Variants in RBFOX1 observed in about 807,000 individuals in gnomAD.
RBFOX1 encodes RNA binding protein fox-1 homolog 1.
In RBFOX1, 8 loss-of-function variants were observed where a neutral mutation model predicts 57.7. The observed-to-expected ratio is 0.14, with a 90% confidence interval of 0.08 to 0.25. The LOEUF is 0.25. Ranked by LOEUF, RBFOX1 falls within the 10% of genes least tolerant of loss-of-function variation. The pLI, the probability that RBFOX1 is intolerant of heterozygous loss-of-function variation, is 1.00. For missense variants in RBFOX1, 611 were observed against 548.5 expected (o/e 1.11, Z -1.14); for synonymous variants, 326 against 222.4 (o/e 1.47, Z -4.15).
intron 14 of RBFOX1, among the ~76,000 whole-genome samples, chr16:7,691,039 A>C (rs1444226482): frequency 6.6e-6 from 1 of 152,164 alleles, no homozygotes; most frequent in Non-Finnish European, 1.5e-5. Flanking sequence ...GGAATTAATT[A>C]ATGAACTCTA....
chr16:6,071,433 G>T (rs929885), intron 1 of RBFOX1, among the ~76,000 whole-genome samples: 142,314 of 152,302 alleles, frequency 0.93, 66,607 homozygotes, highest in African/African-American at 0.98. Context: ...GTACTAGGTC[G>T]AATACTTGGG....
At chr16:6,071,205 C>T (rs1367587695) in intron 1 of RBFOX1, among the ~76,000 whole-genome samples, 1 of 152,068 alleles carries the variant, frequency 6.6e-6, no homozygotes, top group Non-Finnish European at 1.5e-5. Context: ...CCTGTAGGAC[C>T]AGCTGCTTGG....
intron 2 of RBFOX1, among the ~76,000 whole-genome samples, chr16:6,324,542 G>C (rs2082158819): frequency 6.6e-6 from 1 of 152,110 alleles, no homozygotes; most frequent in African/African-American, 2.4e-5. Flanking sequence ...GAGAGGGAGA[G>C]GAGGCACCAT....
intron 1 of RBFOX1, among the ~76,000 whole-genome samples, chr16:5,392,870 G>A (rs2151422700): frequency 6.6e-6 from 1 of 152,248 alleles, no homozygotes; most frequent in African/African-American, 2.4e-5. Flanking sequence ...TGCAACTTGG[G>A]CTGTTCAGAA....
intron 2 of RBFOX1, among the ~76,000 whole-genome samples, chr16:5,498,389 A>T (rs915747449): frequency 6.6e-6 from 1 of 152,134 alleles, no homozygotes; most frequent in Non-Finnish European, 1.5e-5. Flanking sequence ...AGTTATCTAC[A>T]TGCCTCAGCC....
intron 2 of RBFOX1, among the ~76,000 whole-genome samples, chr16:6,640,747 G>A (rs1216234885): frequency 6.6e-6 from 1 of 152,142 alleles, no homozygotes; most frequent in Non-Finnish European, 1.5e-5. Context: ...AACTCCTTCT[G>A]AAGGATACAA....
intron 2 of RBFOX1, among the ~76,000 whole-genome samples, chr16:5,541,300 G>A (rs2044940828): frequency 1.3e-5 from 2 of 152,248 alleles, no homozygotes; most frequent in Admixed American, 1.3e-4. Context: ...ACAGGTCTCA[G>A]TTAATTTAGA....
chr16:7,438,811 G>A (rs973776989), intron 4 of RBFOX1, among the ~76,000 whole-genome samples: 2 of 152,118 alleles, frequency 1.3e-5, no homozygotes, highest in Non-Finnish European at 2.9e-5. Context: ...ATGGGCCCAG[G>A]CCCAACCTAG....
chr16:7,120,030 A>G (rs1247965204), intron 4 of RBFOX1, among the ~76,000 whole-genome samples: 1 of 139,376 alleles, frequency 7.2e-6, no homozygotes, highest in Admixed American at 7.8e-5. Flanking sequence ...TAAGCTGGAA[A>G]TCAGTAACAT....
Position 7,315,153 on chromosome 16 carries a change from A to C in RBFOX1, c.28-202994A>C, listed in dbSNP as rs142965347. ...TTTTCTTAATTATGTCATGCATTTC[A>C]TTTTGTGTGTGGTGATATTTCTTTC... On this transcript the variant is annotated intron_variant, in intron 4 of 15. Coordinates refer to ENST00000550418, the MANE Select transcript of RBFOX1 (RefSeq NM_018723.4). Among the ~76,000 whole-genome samples, 197 of 150,652 alleles carry C rather than the reference A, an allele frequency of 1.3e-3. 1 individual carries two copies. Among genetic ancestry groups the C allele is most frequent in the African/African-American group, 4.5e-3 (185 of 40,912 alleles).
intron 3 of RBFOX1, among the ~76,000 whole-genome samples, chr16:5,826,078 A>G (rs550569922): frequency 3.4e-5 from 5 of 146,340 alleles, no homozygotes; most frequent in African/African-American, 1.3e-4. Flanking sequence ...AATAAGGAAT[A>G]ATATTCCTTA....
intron 3 of RBFOX1, among the ~76,000 whole-genome samples, chr16:6,900,297 G>C (rs76282551): frequency 3.9e-5 from 6 of 152,078 alleles, no homozygotes; most frequent in African/African-American, 1.4e-4. Flanking sequence ...GTTCATCCAC[G>C]AATATCCTGT....
At chr16:7,090,971 C>G (rs922796485) in intron 4 of RBFOX1, among the ~76,000 whole-genome samples, 1 of 152,190 alleles carries the variant, frequency 6.6e-6, no homozygotes, top group Non-Finnish European at 1.5e-5. Flanking sequence ...TACAATTGAG[C>G]TGTTTCTCCT....
chr16:7,493,148 G>T (rs1278896501), intron 4 of RBFOX1, among the ~76,000 whole-genome samples: 1 of 152,144 alleles, frequency 6.6e-6, no homozygotes, highest in Non-Finnish European at 1.5e-5. Context: ...CAAAGTGCTG[G>T]GATTACAGGC....
At chr16:6,076,159 G>A (rs1219430940) in intron 1 of RBFOX1, among the ~76,000 whole-genome samples, 2 of 152,020 alleles carry the variant, frequency 1.3e-5, no homozygotes, top group Non-Finnish European at 2.9e-5. Context: ...TTAGCCAGGT[G>A]TGGTGGTGCA....
At chr16:6,286,175 G>C (rs2076889943) in intron 1 of RBFOX1, among the ~76,000 whole-genome samples, 1 of 152,072 alleles carries the variant, frequency 6.6e-6, no homozygotes, top group Admixed American at 6.6e-5. Flanking sequence ...GGGAGAGCTC[G>C]ACTGACATGA....
At chr16:6,902,780 T>G (rs182592119) in intron 3 of RBFOX1, among the ~76,000 whole-genome samples, 1 of 152,242 alleles carries the variant, frequency 6.6e-6, no homozygotes, top group African/African-American at 2.4e-5. Context: ...CTTCAACTCA[T>G]CATGTCATCA....
chr16:7,593,682 A>T (rs2094553063), intron 7 of RBFOX1, among the ~76,000 whole-genome samples: 1 of 151,612 alleles, frequency 6.6e-6, no homozygotes, highest in Non-Finnish European at 1.5e-5. Context: ...TTTTTTTCCA[A>T]CCAAAGGCAG....
chr16:6,566,050 A>G (rs1319262489), intron 2 of RBFOX1, among the ~76,000 whole-genome samples: 1 of 152,200 alleles, frequency 6.6e-6, no homozygotes, highest in African/African-American at 2.4e-5. Context: ...CAGGACAGAG[A>G]ACAAACAGAG....
Sources: gnomAD v4.1 joint callset for allele counts (sites outside exome capture counted in the v4.1 genomes callset) on GRCh38, gnomAD v4.1.1 for gene constraint, MANE v1.5 for transcripts, NCBI Gene and HGNC (gene_info 2026-07-23, HGNC 2026-07-21) for gene names.